PELI2: variants seen among roughly 807,000 people sequenced by gnomAD.
The protein encoded by PELI2 is pellino E3 ubiquitin protein ligase family member 2, also known as E3 ubiquitin-protein ligase pellino homolog 2.
In PELI2, 23 loss-of-function variants were observed where a neutral mutation model predicts 42.3. That is an observed-to-expected ratio of 0.54 (90% CI 0.39 to 0.77). PELI2 has a LOEUF of 0.77. Among genes scored for constraint, PELI2 ranks in the 30% least tolerant of loss-of-function variants. PELI2 has a pLI of 0.00. For synonymous variants in PELI2, 245 were observed against 212.2 expected (o/e 1.15, Z -1.34); for missense variants, 463 against 553.2 (o/e 0.84, Z 1.64).
At chr14:56,277,040 A>G (rs1889318462) in intron 2 of PELI2, among the ~76,000 whole-genome samples, 1 of 152,214 alleles carries the variant, frequency 6.6e-6, no homozygotes, top group Non-Finnish European at 1.5e-5. Context: ...ATATTTTTAT[A>G]ATGAAACACC....
chr14:56,188,906 T>A (rs1423826631), intron 2 of PELI2, among the ~76,000 whole-genome samples: 1 of 152,170 alleles, frequency 6.6e-6, no homozygotes, highest in African/African-American at 2.4e-5. Flanking sequence ...ATGTCTGTAA[T>A]CCCAGCACTT....
chr14:56,245,654 G>C (rs1199397151), intron 2 of PELI2, among the ~76,000 whole-genome samples: 1 of 152,124 alleles, frequency 6.6e-6, no homozygotes, highest in African/African-American at 2.4e-5. Context: ...AGAATAGCCA[G>C]ATAGTTTTAC....
chr14:56,235,537 C>G (rs2060465946), intron 2 of PELI2, among the ~76,000 whole-genome samples: 2 of 152,222 alleles, frequency 1.3e-5, no homozygotes, highest in Admixed American at 6.5e-5. Flanking sequence ...AGCTGCTGGC[C>G]TAACTGTCCT....
intron 2 of PELI2, among the ~76,000 whole-genome samples, chr14:56,234,962 C>G (rs997815858): frequency 6.6e-6 from 1 of 152,056 alleles, no homozygotes; most frequent in African/African-American, 2.4e-5. Context: ...TGGATCTTCC[C>G]AACAGAGCTT....
chr14:56,247,887 A>G (rs1407729050), intron 2 of PELI2, among the ~76,000 whole-genome samples: 1 of 152,242 alleles, frequency 6.6e-6, no homozygotes, highest in East Asian at 1.9e-4. Context: ...GTCTGGAAGG[A>G]TGACACTATA....
chr14:56,233,049 T>C lies in PELI2; in HGVS notation c.208-46627T>C, dbSNP rs371074741. Among the ~76,000 whole-genome samples, 21 of 152,070 alleles carry C rather than the reference T, an allele frequency of 1.4e-4. 1 individual carries two copies. Among genetic ancestry groups the C allele is most frequent in the Admixed American group, 8.5e-4 (13 of 15,260 alleles). On this transcript the variant is annotated intron_variant, in intron 2 of 5. Transcript: ENST00000267460. ...ATACCTAGGAATCCAACTTACAGGG[T>C]ATGTGAAGGACCTCTTCAAGGAGAA...
At chr14:56,158,994 T>G (rs1884664220) in intron 1 of PELI2, among the ~76,000 whole-genome samples, 1 of 152,250 alleles carries the variant, frequency 6.6e-6, no homozygotes, top group Non-Finnish European at 1.5e-5. Context: ...AATTTTAGAC[T>G]TCTTTCTGAA....
chr14:56,152,804 G>T (rs1884414334), intron 1 of PELI2, among the ~76,000 whole-genome samples: 1 of 152,178 alleles, frequency 6.6e-6, no homozygotes, highest in African/African-American at 2.4e-5. Flanking sequence ...AAAGATGGCT[G>T]TAAAATGAAG....
chr14:56,146,661 A>G (rs1884132688), intron 1 of PELI2, among the ~76,000 whole-genome samples: 1 of 152,036 alleles, frequency 6.6e-6, no homozygotes, highest in South Asian at 2.1e-4. Flanking sequence ...TACTATTGGA[A>G]TATAGTACAA....
intron 2 of PELI2, among the ~76,000 whole-genome samples, chr14:56,192,806 G>A (rs1885999330): frequency 6.6e-6 from 1 of 152,188 alleles, no homozygotes; most frequent in Admixed American, 6.5e-5. Flanking sequence ...TGTTGTAAAT[G>A]CTCAACAAAT....
intron 1 of PELI2, among the ~76,000 whole-genome samples, chr14:56,167,681 AT>A (rs1885013068): frequency 6.6e-6 from 1 of 152,112 alleles, no homozygotes; most frequent in Non-Finnish European, 1.5e-5. Flanking sequence ...CTGGTGCCTT[AT>A]TTAGTTCATT....
intron 2 of PELI2, among the ~76,000 whole-genome samples, chr14:56,179,178 TTTAA>T (rs1432569942): frequency 6.6e-6 from 1 of 152,234 alleles, no homozygotes; most frequent in Non-Finnish European, 1.5e-5. Flanking sequence ...ACAGTGTTTC[TTTAA>T]TTAAATAAAT....
chr14:56,136,659 T>C (rs950100427), intron 1 of PELI2, among the ~76,000 whole-genome samples: 3 of 152,224 alleles, frequency 2.0e-5, no homozygotes, highest in Non-Finnish European at 4.4e-5. Context: ...TTAGTGAGTG[T>C]CAGGGGTTTT....
intron 5 of PELI2, among the ~76,000 whole-genome samples, 167 bp downstream of exon 5, chr14:56,290,623 A>G (rs953693038): frequency 6.6e-6 from 1 of 152,158 alleles, no homozygotes; most frequent in African/African-American, 2.4e-5. Flanking sequence ...CAAGAGGGAA[A>G]TGGCCTTATC....
intron 2 of PELI2, among the ~76,000 whole-genome samples, chr14:56,232,357 T>G (rs36174694): frequency 1.1e-4 from 17 of 152,154 alleles, no homozygotes; most frequent in Non-Finnish European, 8.8e-5. Flanking sequence ...GCAAAAATCC[T>G]CAATAAAATA....
intron 3 of PELI2, among the ~76,000 whole-genome samples, chr14:56,282,413 T>C (rs1889509499): frequency 6.6e-6 from 1 of 152,080 alleles, no homozygotes; most frequent in African/African-American, 2.4e-5. Flanking sequence ...GTTAATTTAA[T>C]ATGGTAAAAT....
intron 2 of PELI2, among the ~76,000 whole-genome samples, chr14:56,203,359 C>T (rs1001577476): frequency 1.3e-5 from 2 of 152,114 alleles, no homozygotes; most frequent in African/African-American, 2.4e-5. Context: ...GGTGAAGTAT[C>T]GTAATGTCTG....
In PELI2 at chr14:56,297,461, A is replaced by ATTT; in HGVS notation, c.*295_*296insTTT. The stretch of plus-strand genomic sequence containing the variant: ...ATTTTTAACCTTGGGTTTTTAACCA[A>ATTT]GTTTTTTTTTTTTTGTAATCTTGGA... On this transcript the variant is annotated 3_prime_UTR_variant, in exon 6 of 6. Transcript: ENST00000267460. The ATTT allele has an allele frequency of 8.2e-6, 2 of 243,666 alleles. No individual in the cohort carries two copies. Among genetic ancestry groups the ATTT allele is most frequent in the African/African-American group, 2.7e-5 (1 of 37,186 alleles). 15.1% of individuals were successfully genotyped at this position (243,666 alleles called of 1,614,324 possible). A position where few individuals can be genotyped will look rare whatever the true frequency, so the allele number is the denominator to read the frequency against.
Position 56,219,929 on chromosome 14 carries a change from T to G in PELI2, c.207+41465T>G, listed in dbSNP as rs1051218853. On this transcript the variant is annotated intron_variant, in intron 2 of 5. Transcript: ENST00000267460. This position sits in a 1 kb window ranked among gnomAD's most constrained non-coding sequence, Gnocchi z 4.1. ...CAGCTCAGGATTGAAAAAACTCTTG[T>G]GCAGAACAGTTAATTGAAGTGTTCT... Among the ~76,000 whole-genome samples the G allele has an allele frequency of 1.3e-5, 2 of 152,228 alleles. No individual in the cohort carries two copies. The highest frequency in any genetic ancestry group is 4.8e-5 in the African/African-American group (2 of 41,462).
Sources: gnomAD v4.1 joint callset for allele counts (sites outside exome capture counted in the v4.1 genomes callset) on GRCh38, gnomAD v4.1.1 for gene constraint, Gnocchi (gnomAD v3.1) non-coding constraint, MANE v1.5 for transcripts, NCBI Gene and HGNC (gene_info 2026-07-23, HGNC 2026-07-21) for gene names.